Variants in CPA6 observed in about 807,000 individuals in gnomAD.
CPA6 encodes the protein carboxypeptidase B.
In CPA6, 58 loss-of-function variants were observed where a neutral mutation model predicts 63.3. That is an observed-to-expected ratio of 0.92 (90% CI 0.74 to 1.14). The LOEUF is 1.14. Among genes scored for constraint, CPA6 ranks in the 50% most tolerant of loss-of-function variants. The pLI is 0.00. For missense variants in CPA6, 565 were observed against 526.6 expected (o/e 1.07, Z -0.71); for synonymous variants, 185 against 179.0 (o/e 1.03, Z -0.27).
chr8:67,673,736 CT>C (rs1816406953), intron 1 of CPA6, among the ~76,000 whole-genome samples: 1 of 152,022 alleles, frequency 6.6e-6, no homozygotes, highest in Non-Finnish European at 1.5e-5. Flanking sequence ...CATTTTAGTA[CT>C]CAAAAGAGTG....
intron 8 of CPA6, among the ~76,000 whole-genome samples, chr8:67,478,792 T>C (rs924461502): frequency 2.6e-5 from 4 of 152,182 alleles, no homozygotes; most frequent in African/African-American, 9.7e-5. Flanking sequence ...ATCCCAGCAC[T>C]TTGGGAGGCC....
At chr8:67,676,321 G>T (rs1229608320) in intron 1 of CPA6, among the ~76,000 whole-genome samples, 1 of 152,202 alleles carries the variant, frequency 6.6e-6, no homozygotes, top group Non-Finnish European at 1.5e-5. Context: ...TTTAACCCAC[G>T]TTCAAATAGG....
intron 7 of CPA6, 59 bp downstream of exon 7, chr8:67,484,620 A>T: frequency 1.1e-6 from 1 of 885,834 alleles, no homozygotes; most frequent in Non-Finnish European, 1.8e-6. Flanking sequence ...GAAGTTTGTG[A>T]CTCTGTTTTC....
intron 8 of CPA6, among the ~76,000 whole-genome samples, chr8:67,459,499 G>C (rs1348569446): frequency 1.3e-5 from 2 of 152,206 alleles, no homozygotes; most frequent in East Asian, 1.9e-4. Flanking sequence ...GTTACTAAGT[G>C]AAAGAAGCCA....
intron 9 of CPA6, among the ~76,000 whole-genome samples, chr8:67,430,433 C>A (rs1287720017): frequency 6.6e-6 from 1 of 151,860 alleles, no homozygotes. Flanking sequence ...GATCTGCCTG[C>A]CTTGGCCTCC....
intron 1 of CPA6, among the ~76,000 whole-genome samples, chr8:67,733,960 A>C (rs1029274305): frequency 6.9e-6 from 1 of 145,696 alleles, no homozygotes; most frequent in Non-Finnish European, 1.5e-5. Flanking sequence ...CTGCAGCTTC[A>C]TTCTCCTGGG....
chr8:67,477,697 A>G (rs1173139823), intron 8 of CPA6, among the ~76,000 whole-genome samples: 2 of 152,236 alleles, frequency 1.3e-5, no homozygotes, highest in Admixed American at 1.3e-4. Context: ...GTACGCATCA[A>G]CACGTCATTC....
intron 8 of CPA6, among the ~76,000 whole-genome samples, chr8:67,475,881 C>CTCCTTTCTTT (rs1491556290): frequency 2.3e-4 from 10 of 43,142 alleles, no homozygotes; most frequent in Non-Finnish European, 3.2e-4. Context: ...CTTTCTTTCT[C>CTCCTTTCTTT]CTTTCTTTCT....
chr8:67,653,164 T>C (rs1326222068), intron 1 of CPA6, among the ~76,000 whole-genome samples: 1 of 150,642 alleles, frequency 6.6e-6, no homozygotes, highest in African/African-American at 2.4e-5. Flanking sequence ...TAGTTTGAAG[T>C]CAGGTAGTGT....
intron 8 of CPA6, among the ~76,000 whole-genome samples, chr8:67,465,420 G>C (rs1810903285): frequency 6.6e-6 from 1 of 152,134 alleles, no homozygotes; most frequent in Non-Finnish European, 1.5e-5. Flanking sequence ...GAGTTTTCTA[G>C]GTATAGAATC....
At chr8:67,466,084 G>GTTTTTT (rs561313512) in intron 8 of CPA6, among the ~76,000 whole-genome samples, 2 of 96,088 alleles carry the variant, frequency 2.1e-5, no homozygotes, top group African/African-American at 3.7e-5. Flanking sequence ...TCTGAGGCTT[G>GTTTTTT]TTTTTTTTTT....
intron 1 of CPA6, among the ~76,000 whole-genome samples, chr8:67,701,734 A>G (rs1270566765): frequency 6.6e-6 from 1 of 152,224 alleles, no homozygotes; most frequent in African/African-American, 2.4e-5. Flanking sequence ...CAACTTAGGA[A>G]TGTGTGAAAC....
chr8:67,521,306 T>C (rs1342201042), intron 2 of CPA6, among the ~76,000 whole-genome samples: 3 of 152,262 alleles, frequency 2.0e-5, no homozygotes, highest in Admixed American at 2.0e-4. Flanking sequence ...TATTTCAGTG[T>C]CTTGCTCAAT....
chr8:67,517,553 G>C (rs1356907130), intron 3 of CPA6, among the ~76,000 whole-genome samples: 2 of 152,170 alleles, frequency 1.3e-5, no homozygotes, highest in Admixed American at 6.5e-5. Context: ...TTCTTCCTTT[G>C]CTTGTGTGGT....
intron 2 of CPA6, among the ~76,000 whole-genome samples, chr8:67,555,306 G>A (rs181455987): frequency 4.8e-4 from 73 of 152,252 alleles, no homozygotes; most frequent in Non-Finnish European, 9.3e-4. Flanking sequence ...AAAGGGAGAG[G>A]GGCCAGAGAT....
intron 4 of CPA6, among the ~76,000 whole-genome samples, chr8:67,511,088 G>T (rs1265862735): frequency 6.6e-6 from 1 of 152,096 alleles, no homozygotes; most frequent in Non-Finnish European, 1.5e-5. Flanking sequence ...GGATAAAAAA[G>T]CATGCTCAAA....
At position 67,511,455 on chromosome 8, in the gene CPA6, G is replaced by A. The variant is rs1812040430; in HGVS notation, c.432+86C>T. On this transcript the variant is annotated intron_variant, in intron 4 of 10. Transcript: ENST00000297770. ...CTGTCTTTATGCTTCTCCCCTAGAA[G>A]CATAAAACACATAATTTTCTCCCTT... is the stretch of plus-strand genomic sequence containing the variant. 18 of 770,268 alleles carry A rather than the reference G, an allele frequency of 2.3e-5. No homozygotes were observed. In the Admixed American group the frequency reaches 3.5e-4, roughly 15 times the overall value. The allele number at this position is 770,268 out of a possible 1,614,324, so 47.7% of individuals were successfully genotyped here. A position where few individuals can be genotyped will look rare whatever the true frequency, so the allele number is the denominator to read the frequency against.
chr8:67,652,142 A>G (rs2098872), intron 1 of CPA6, among the ~76,000 whole-genome samples: 95,268 of 151,946 alleles, frequency 0.63, 30,660 homozygotes, highest in African/African-American at 0.78. Flanking sequence ...TCAGTCTATC[A>G]TTGTTGGACA....
intron 2 of CPA6, among the ~76,000 whole-genome samples, chr8:67,581,653 A>C (rs997486555): frequency 6.6e-6 from 1 of 152,224 alleles, no homozygotes; most frequent in Admixed American, 6.5e-5. Context: ...GAAATACACA[A>C]GAGATGCTGT....
Sources: allele counts gnomAD v4.1 joint callset (sites outside exome capture counted in the v4.1 genomes callset), GRCh38; gene constraint gnomAD v4.1.1; transcripts MANE v1.5; gene names NCBI Gene and HGNC (gene_info 2026-07-23, HGNC 2026-07-21).